WDFY2: variants seen among roughly 807,000 people sequenced by gnomAD.
WDFY2 encodes WD repeat and FYVE domain-containing protein 2.
Under a neutral mutation model 56.4 loss-of-function variants are expected in WDFY2, and 36 were observed. That is an observed-to-expected ratio of 0.64 (90% CI 0.49 to 0.84). The LOEUF is 0.84. Among genes scored for constraint, WDFY2 ranks in the 40% least tolerant of loss-of-function variants. The pLI, the probability that WDFY2 is intolerant of heterozygous loss-of-function variation, is 0.00. For missense variants in WDFY2, 444 were observed against 512.2 expected, an observed-to-expected ratio of 0.87 and a Z score of 1.29; for synonymous variants, 176 against 183.7, an observed-to-expected ratio of 0.96 and a Z score of 0.34.
At chr13:51,606,419 A>G (rs1954385993) in intron 1 of WDFY2, among the ~76,000 whole-genome samples, 1 of 152,188 alleles carries the variant, frequency 6.6e-6, no homozygotes, top group Non-Finnish European at 1.5e-5. Flanking sequence ...TTTTATCTAA[A>G]GTGATATATC....
chr13:51,718,601 C>CACAT (rs1446426712), intron 4 of WDFY2, among the ~76,000 whole-genome samples: 3 of 150,034 alleles, frequency 2.0e-5, no homozygotes, highest in African/African-American at 7.4e-5. Flanking sequence ...CACACACACA[C>CACAT]ACTGTAACAT....
chr13:51,710,958 CA>C (rs1179752975), intron 4 of WDFY2, among the ~76,000 whole-genome samples: 1 of 152,062 alleles, frequency 6.6e-6, no homozygotes, highest in Admixed American at 6.5e-5. Context: ...CATATGGAAC[CA>C]AAAAAGAGCC....
At chr13:51,613,694 G>A (rs765358022) in intron 1 of WDFY2, among the ~76,000 whole-genome samples, 7 of 149,746 alleles carry the variant, frequency 4.7e-5, no homozygotes, top group African/African-American at 1.5e-4. Flanking sequence ...TTTTTTTTTC[G>A]TGGAAAAGTC....
chr13:51,693,842 A>G (rs1281680131), intron 3 of WDFY2, among the ~76,000 whole-genome samples: 2 of 152,072 alleles, frequency 1.3e-5, no homozygotes, highest in East Asian at 3.9e-4. Context: ...GTCACTCAGG[A>G]CTTGCTTTAT....
At chr13:51,647,694 A>G (rs1387733667) in intron 1 of WDFY2, among the ~76,000 whole-genome samples, 2 of 151,922 alleles carry the variant, frequency 1.3e-5, no homozygotes, top group African/African-American at 2.4e-5. Flanking sequence ...CAGTAGTTCA[A>G]AGTGACAGTG....
intron 2 of WDFY2, among the ~76,000 whole-genome samples, chr13:51,663,039 G>A (rs1955641875): frequency 6.6e-6 from 1 of 152,146 alleles, no homozygotes; most frequent in South Asian, 2.1e-4. Flanking sequence ...GATCATGTCT[G>A]TAATCCCAGT....
chr13:51,724,168 T>C (rs1206831684), intron 5 of WDFY2, among the ~76,000 whole-genome samples: 3 of 151,866 alleles, frequency 2.0e-5, no homozygotes, highest in African/African-American at 7.3e-5. Flanking sequence ...TTATTTTATG[T>C]TCAAATTATC....
intron 1 of WDFY2, among the ~76,000 whole-genome samples, chr13:51,636,424 G>T (rs2138392036): frequency 6.6e-6 from 1 of 152,328 alleles, no homozygotes; most frequent in Middle Eastern, 3.4e-3. Flanking sequence ...GGCAAAGAGG[G>T]AATTAACCTT....
At chr13:51,642,318 T>C (rs1955182707) in intron 1 of WDFY2, among the ~76,000 whole-genome samples, 1 of 152,122 alleles carries the variant, frequency 6.6e-6, no homozygotes, top group African/African-American at 2.4e-5. Context: ...GACAGAGTCT[T>C]GCTCTGTTGC....
chr13:51,723,614 G>T (rs77755822), intron 5 of WDFY2, among the ~76,000 whole-genome samples: 4,033 of 152,144 alleles, frequency 0.027, 117 homozygotes, highest in East Asian at 0.13. Flanking sequence ...CTATAATCTT[G>T]ATTTCATTCA....
intron 3 of WDFY2, among the ~76,000 whole-genome samples, chr13:51,677,300 T>C (rs1043187309): frequency 2.0e-5 from 3 of 152,204 alleles, no homozygotes; most frequent in Non-Finnish European, 4.4e-5. Flanking sequence ...CTCCTTTGTA[T>C]TGTTGAGGAA....
At chr13:51,686,414 C>T (rs921685826) in intron 3 of WDFY2, among the ~76,000 whole-genome samples, 4 of 152,074 alleles carry the variant, frequency 2.6e-5, no homozygotes, top group East Asian at 1.9e-4. Flanking sequence ...CTTTAATTTA[C>T]TTTTAGATAA....
chr13:51,668,906 C>G (rs1955759524), intron 2 of WDFY2, among the ~76,000 whole-genome samples: 1 of 152,164 alleles, frequency 6.6e-6, no homozygotes, highest in Non-Finnish European at 1.5e-5. Flanking sequence ...ACAGAAAATA[C>G]ATTAGTCATA....
At chr13:51,654,572 C>G (rs1292132170) in intron 1 of WDFY2, among the ~76,000 whole-genome samples, 1 of 152,188 alleles carries the variant, frequency 6.6e-6, no homozygotes, top group Non-Finnish European at 1.5e-5. Flanking sequence ...CCCCAATACC[C>G]TAACCTCTGC....
intron 1 of WDFY2, among the ~76,000 whole-genome samples, chr13:51,618,310 AT>A (rs1352550543): frequency 1.3e-5 from 2 of 152,214 alleles, no homozygotes; most frequent in African/African-American, 4.8e-5. Context: ...AGATGGCCTC[AT>A]TTCTCCTACT....
At chr13:51,616,457 G>A (rs1428535859) in intron 1 of WDFY2, among the ~76,000 whole-genome samples, 1 of 152,128 alleles carries the variant, frequency 6.6e-6, no homozygotes, top group East Asian at 1.9e-4. Context: ...GTCAGGATAG[G>A]CTAGGTTAAA....
chr13:51,733,390 G>A (rs1309795352), intron 6 of WDFY2, among the ~76,000 whole-genome samples: 1 of 152,126 alleles, frequency 6.6e-6, no homozygotes, highest in Admixed American at 6.5e-5. Flanking sequence ...TGTAGGTGGT[G>A]GGAACATTCC....
chr13:51,700,654 A>C (rs1951963883), intron 3 of WDFY2, among the ~76,000 whole-genome samples: 2 of 152,252 alleles, frequency 1.3e-5, no homozygotes, highest in Non-Finnish European at 2.9e-5. Context: ...ACAAAGATTC[A>C]TCAATAAAGG....
At chr13:51,698,984 C>T (rs1034502292) in intron 3 of WDFY2, among the ~76,000 whole-genome samples, 1 of 152,058 alleles carries the variant, frequency 6.6e-6, no homozygotes, top group Non-Finnish European at 1.5e-5. Context: ...CAAAAAGAAC[C>T]AAAGGATATG....
Sources: gnomAD v4.1 joint callset for allele counts (sites outside exome capture counted in the v4.1 genomes callset) on GRCh38, gnomAD v4.1.1 for gene constraint, MANE v1.5 for transcripts, NCBI Gene and HGNC (gene_info 2026-07-23, HGNC 2026-07-21) for gene names.